RYR3: variants seen among roughly 807,000 people sequenced by gnomAD.
The protein encoded by RYR3 is ryanodine receptor 3.
In RYR3, 207 loss-of-function variants were observed where a neutral mutation model predicts 584.3. The ratio of observed to expected loss-of-function variants is 0.35; its 90% CI spans 0.32 to 0.40. The LOEUF is 0.40. Ranked by LOEUF, RYR3 falls within the 10% of genes least tolerant of loss-of-function variation. The pLI, the probability that RYR3 is intolerant of heterozygous loss-of-function variation, is 1.00. For synonymous variants in RYR3, 2,416 were observed against 2,248.5 expected, an observed-to-expected ratio of 1.07 and a Z score of -2.11; for missense variants, 5,616 against 6,089.2, an observed-to-expected ratio of 0.92 and a Z score of 2.59.
intron 38 of RYR3, among the ~76,000 whole-genome samples, chr15:33,680,979 C>T (rs942328075): frequency 2.3e-4 from 35 of 152,220 alleles, no homozygotes; most frequent in African/African-American, 7.5e-4. Flanking sequence ...AATCTACATA[C>T]GTTACCTAAT....
chr15:33,445,449 C>T (rs1457943898), intron 1 of RYR3, among the ~76,000 whole-genome samples: 5 of 152,106 alleles, frequency 3.3e-5, no homozygotes, highest in African/African-American at 7.2e-5. Flanking sequence ...TGCCTGTACG[C>T]AGCCAGCCCA....
chr15:33,655,069 G>T (rs1042832978), intron 32 of RYR3, among the ~76,000 whole-genome samples: 1 of 152,204 alleles, frequency 6.6e-6, no homozygotes, highest in Non-Finnish European at 1.5e-5. Flanking sequence ...TGCAGTGCAT[G>T]ACCCTCTCTG....
At chr15:33,635,159 A>G (rs1181056719) in intron 25 of RYR3, among the ~76,000 whole-genome samples, 1 of 152,150 alleles carries the variant, frequency 6.6e-6, no homozygotes, top group East Asian at 1.9e-4. Context: ...TGAGCCTGTT[A>G]TTGTCATCCC....
rs561744587 is a variant in RYR3 at position 33,699,670 on chromosome 15, T to C, written c.6250-34T>C. 167 of 1,602,964 alleles carry C rather than the reference T, an allele frequency of 1.0e-4. 1 individual carries two copies. In the South Asian group the frequency reaches 1.6e-3, roughly 15 times the overall value. On this transcript the variant is annotated intron_variant, in intron 40 of 103. Transcript: ENST00000634891. ...TTTTCAGAAAGGCCTCATGATAGAT[T>C]CTTTTGTCTGACACTTTCTACTTCT... is the stretch of plus-strand genomic sequence containing the variant.
intron 13 of RYR3, among the ~76,000 whole-genome samples, chr15:33,580,843 T>C (rs2058553189): frequency 6.6e-6 from 1 of 152,214 alleles, no homozygotes; most frequent in Admixed American, 6.5e-5. Context: ...CTCAGTCTTC[T>C]GATCTAACCA....
intron 60 of RYR3, among the ~76,000 whole-genome samples, chr15:33,767,601 C>T (rs2073203297): frequency 6.6e-6 from 1 of 152,190 alleles, no homozygotes; most frequent in Non-Finnish European, 1.5e-5. Context: ...TTTGAGTTGT[C>T]CTATGGAAGA....
At chr15:33,859,272 T>A (rs1185921624) in intron 99 of RYR3, among the ~76,000 whole-genome samples, 1 of 152,236 alleles carries the variant, frequency 6.6e-6, no homozygotes, top group African/African-American at 2.4e-5. Flanking sequence ...AAAATTATTA[T>A]ATGGCATAGG....
chr15:33,488,575 C>T (rs770163325), intron 2 of RYR3, among the ~76,000 whole-genome samples: 5 of 151,662 alleles, frequency 3.3e-5, no homozygotes, highest in Admixed American at 2.0e-4. Context: ...AAGTCATGGC[C>T]GGGCATGGTG....
chr15:33,374,705 A>G (rs755538115), intron 1 of RYR3, among the ~76,000 whole-genome samples: 1 of 152,238 alleles, frequency 6.6e-6, no homozygotes, highest in Non-Finnish European at 1.5e-5. Context: ...TGGTAATGTT[A>G]TAATTGAGAG....
At chr15:33,374,078 C>A in intron 1 of RYR3, among the ~76,000 whole-genome samples, 1 of 152,022 alleles carries the variant, frequency 6.6e-6, no homozygotes, top group East Asian at 1.9e-4. Flanking sequence ...TTTTTATTTT[C>A]CCTGTTAAAT....
In RYR3 at chr15:33,550,409, G is replaced by A. The variant is rs8024004; in HGVS notation, c.972+93G>A. On this transcript the variant is annotated intron_variant, in intron 10 of 103. Transcript: ENST00000634891. The stretch of plus-strand genomic sequence containing the variant: ...CTATAACTGGAAAAGAAAGTAGGCT[G>A]GAACAAAGTGAAATTGGAAATTTGC... 2.0e-3 allele frequency: 2,596 copies of A among 1,277,942 alleles called. 47 individuals carry two copies. In the African/African-American group the frequency reaches 0.034, roughly 17 times the overall value. 79.2% of individuals were successfully genotyped at this position (1,277,942 alleles called of 1,614,324 possible). A position where few individuals can be genotyped will look rare whatever the true frequency, so the allele number is the denominator to read the frequency against.
chr15:33,400,386 T>C (rs2042573106), intron 1 of RYR3, among the ~76,000 whole-genome samples: 1 of 152,154 alleles, frequency 6.6e-6, no homozygotes. Context: ...ACACACACAC[T>C]ATAGGCTGCT....
chr15:33,364,752 A>G (rs1042270593), intron 1 of RYR3, among the ~76,000 whole-genome samples: 2 of 152,218 alleles, frequency 1.3e-5, no homozygotes, highest in Non-Finnish European at 2.9e-5. Flanking sequence ...AATGGATTCT[A>G]TCTAACGTTC....
Position 33,823,033 on chromosome 15 carries a change from G to C in RYR3, c.11033G>C (p.Gly3678Ala), listed in dbSNP as rs1354761154. Reference protein sequence around the residue: ...LDYLKEKKDAGFFQSLSGLMQ... With the variant: ...LDYLKEKKDAAFFQSLSGLMQ... ...TACCTAAAGGAGAAAAAGGATGCTG[G>C]ATTCTTTCAAAGCCTTTCTGGTCTT... Residue 3678 changes from glycine to alanine, a missense_variant, in exon 81 of 104, where the codon GGA becomes GCA. This residue lies in a region of RYR3 where 954 missense variants were observed against 1,132.2 expected (regional missense o/e 0.84). Coordinates refer to ENST00000634891, the MANE Select transcript of RYR3 (RefSeq NM_001036.6). The C allele has an allele frequency of 6.2e-7, 1 of 1,613,614 alleles. No individual in the cohort carries two copies.
chr15:33,551,378 G>C (rs1016761776), intron 10 of RYR3, among the ~76,000 whole-genome samples: 4 of 152,150 alleles, frequency 2.6e-5, no homozygotes, highest in Non-Finnish European at 4.4e-5. Context: ...GTTCATCTAG[G>C]ACTAGGTGTG....
intron 1 of RYR3, among the ~76,000 whole-genome samples, chr15:33,429,903 G>C (rs534691110): frequency 1.4e-3 from 218 of 152,332 alleles, no homozygotes; most frequent in African/African-American, 5.0e-3. Context: ...TTGGGAAATA[G>C]GAATAGCAGC....
chr15:33,707,940 A>G (rs2066834958), intron 43 of RYR3, among the ~76,000 whole-genome samples: 1 of 152,080 alleles, frequency 6.6e-6, no homozygotes. Flanking sequence ...GTACTATACT[A>G]TAGTCTTAAT....
intron 9 of RYR3, among the ~76,000 whole-genome samples, 151 bp downstream of exon 9, chr15:33,548,355 T>TGTGTGTGTGTTC (rs2056409888): frequency 1.3e-5 from 2 of 149,608 alleles, no homozygotes; most frequent in African/African-American, 4.8e-5. Context: ...GTGACTTTGT[T>TGTGTGTGTGTTC]TTTAAAGAAC....
At chr15:33,696,552 A>G (rs1172228534) in intron 39 of RYR3, 61 bp downstream of exon 39, 4 of 1,504,696 alleles carry the variant, frequency 2.7e-6, no homozygotes, top group Admixed American at 3.5e-5. Context: ...AAACTGACTT[A>G]CCTTGATATA....
Sources: gnomAD v4.1 joint callset for allele counts (sites outside exome capture counted in the v4.1 genomes callset) on GRCh38, gnomAD v4.1.1 for gene constraint, gnomAD v4.1.1 regional missense constraint, MANE v1.5 for transcripts, NCBI Gene and HGNC (gene_info 2026-07-23, HGNC 2026-07-21) for gene names.